Variants in CLEC12A observed in about 807,000 individuals in gnomAD.
CLEC12A encodes C-type lectin protein CLL-1.
Under a neutral mutation model 26.5 loss-of-function variants are expected in CLEC12A, and 22 were observed. That is an observed-to-expected ratio of 0.83 (90% CI 0.59 to 1.19). The LOEUF (loss-of-function observed/expected upper bound fraction) is 1.19. CLEC12A is among the 50% of genes most tolerant of loss of function. CLEC12A has a pLI of 0.00. For synonymous variants in CLEC12A, 119 were observed against 101.9 expected, an observed-to-expected ratio of 1.17 and a Z score of -1.01; for missense variants, 353 against 315.6, an observed-to-expected ratio of 1.12 and a Z score of -0.90.
downstream of CLEC12A, among the ~76,000 whole-genome samples, chr12:9,997,503 G>A (rs76073479): frequency 0.016 from 2,362 of 152,224 alleles, 38 homozygotes; most frequent in Non-Finnish European, 0.022. Flanking sequence ...GTTTGAAGGA[G>A]ACAATCACAA....
chr12:9,984,272 TA>T (rs1448235809), intron 5 of CLEC12A: 1 of 152,468 alleles, frequency 6.6e-6, no homozygotes, highest in Non-Finnish European at 1.5e-5. Flanking sequence ...TTGATATCAT[TA>T]TTTTTTTACC....
chr12:9,996,664 T>C (rs911786440), downstream of CLEC12A: 37 of 718,704 alleles, frequency 5.1e-5, no homozygotes, highest in Middle Eastern at 3.6e-4. Context: ...ATCAGTGTTG[T>C]AGAATATTAT....
At chr12:9,992,604 TG>T (rs2137227979) in intron 4 of CLEC12A, 1 of 152,368 alleles carries the variant, frequency 6.6e-6, no homozygotes, top group East Asian at 1.9e-4. Context: ...AAAAGATGGT[TG>T]TTATTATTCC....
chr12:9,959,749 G>A (rs75407689), intron 1 of CLEC12A, among the ~76,000 whole-genome samples: 3,307 of 152,236 alleles, frequency 0.022, 42 homozygotes, highest in Middle Eastern at 0.034. Flanking sequence ...CAGTTTCCAA[G>A]AGATAAATCT....
intron 5 of CLEC12A, chr12:9,984,086 A>G (rs1270325161): frequency 3.4e-6 from 1 of 289,888 alleles, no homozygotes; most frequent in Non-Finnish European, 6.8e-6. Flanking sequence ...AAAGTATATA[A>G]TAATTGTATG....
At chr12:10,004,756 CTCT>C in the CLEC12A span, among the ~76,000 whole-genome samples, 2 of 151,938 alleles carry the variant, frequency 1.3e-5, no homozygotes, top group Non-Finnish European at 2.9e-5. Context: ...GGGAACCACT[CTCT>C]TCTTTATAAA....
chr12:9,975,559 G>A (rs547915960), intron 1 of CLEC12A, among the ~76,000 whole-genome samples: 22 of 152,090 alleles, frequency 1.4e-4, no homozygotes, highest in South Asian at 2.1e-4. Flanking sequence ...GACGTGACTC[G>A]GGTGCTGTTA....
At chr12:9,967,416 C>T (rs536053050), upstream of CLEC12A, among the ~76,000 whole-genome samples, 25 of 152,136 alleles carry the variant, frequency 1.6e-4, no homozygotes, top group East Asian at 3.1e-3. Flanking sequence ...GAACTACTGT[C>T]GAGTTTGTAT....
At chr12:9,969,941 G>A (rs779127629), upstream of CLEC12A, among the ~76,000 whole-genome samples, 63 of 152,142 alleles carry the variant, frequency 4.1e-4, no homozygotes, top group Non-Finnish European at 6.0e-4. Flanking sequence ...TAAAATAAGG[G>A]TGATAATAAT....
intron 1 of CLEC12A, among the ~76,000 whole-genome samples, chr12:9,978,595 T>C (rs866688248): frequency 1.2e-4 from 19 of 152,326 alleles, no homozygotes; most frequent in South Asian, 1.2e-3. Flanking sequence ...TTGGCTTCTC[T>C]GTTAATTTCC....
At position 9,971,632 on chromosome 12, in the gene CLEC12A, C is replaced by T; in HGVS notation, c.36C>T (p.Phe12=). 2 of 1,609,552 alleles carry T rather than the reference C, an allele frequency of 1.2e-6. No individual in the cohort carries two copies. Among genetic ancestry groups the T allele is most frequent in the South Asian group, 1.1e-5 (1 of 90,148 alleles). ...AAGTTACTTATGCAGATCTTCAATT[C>T]CAGAACTCCAGTGAGATGGAAAAAA... ...SEEVTYADLQ[F]QNSSEMEKIP... Residue 12 remains phenylalanine, a synonymous_variant, in exon 1 of 6, where the codon TTC becomes TTT. Transcript: ENST00000304361.
At chr12:9,989,041 G>T (rs996053076), downstream of CLEC12A, among the ~76,000 whole-genome samples, 3 of 152,060 alleles carry the variant, frequency 2.0e-5, no homozygotes, top group Admixed American at 2.0e-4. Context: ...CCATAAAAAA[G>T]GATGAGTTCA....
chr12:9,977,518 T>C (rs1864385897), intron 1 of CLEC12A, among the ~76,000 whole-genome samples: 1 of 152,230 alleles, frequency 6.6e-6, no homozygotes, highest in Non-Finnish European at 1.5e-5. Context: ...GTTTTTCAAA[T>C]AGAAATCTTT....
intron 1 of CLEC12A, among the ~76,000 whole-genome samples, chr12:9,964,288 G>A (rs1321558692): frequency 6.6e-6 from 1 of 152,126 alleles, no homozygotes; most frequent in East Asian, 1.9e-4. Flanking sequence ...AGGTGTAGGA[G>A]ACAGGAGATG....
intron 1 of CLEC12A, among the ~76,000 whole-genome samples, chr12:9,957,005 T>G (rs1449593812): frequency 6.6e-6 from 1 of 152,186 alleles, no homozygotes; most frequent in African/African-American, 2.4e-5. Context: ...AAATTTTCAA[T>G]CCCTTGGTTT....
At chr12:10,000,690 C>T (rs375699815), downstream of CLEC12A, among the ~76,000 whole-genome samples, 5 of 152,182 alleles carry the variant, frequency 3.3e-5, no homozygotes, top group Non-Finnish European at 7.3e-5. Flanking sequence ...GTTCTCATAA[C>T]TTCTGTTTCA....
chr12:9,997,283 G>C, downstream of CLEC12A: 1 of 1,604,424 alleles, frequency 6.2e-7, no homozygotes, highest in Non-Finnish European at 8.5e-7. Context: ...ATGACAGCTA[G>C]GTTTAAAAAG....
chr12:9,994,926 A>G, intron 4 of CLEC12A: 1 of 1,269,026 alleles, frequency 7.9e-7, no homozygotes, highest in Admixed American at 2.3e-5. Context: ...AATATCAGAG[A>G]TAAAGGTGGA....
chr12:9,951,281 C>T (rs1950314651), upstream of CLEC12A: 2 of 702,488 alleles, frequency 2.8e-6, no homozygotes, highest in Non-Finnish European at 5.2e-6. Context: ...TTTAGCATTG[C>T]TGCTGCCAGC....
Sources: allele counts gnomAD v4.1 joint callset (sites outside exome capture counted in the v4.1 genomes callset), GRCh38; gene constraint gnomAD v4.1.1; transcripts MANE v1.5; gene names NCBI Gene and HGNC (gene_info 2026-07-23, HGNC 2026-07-21).